KALRN: variants seen among roughly 807,000 people sequenced by gnomAD.
KALRN encodes the protein kalirin.
KALRN carries 70 observed loss-of-function variants against 353.7 expected under a neutral mutation model. The ratio of observed to expected loss-of-function variants is 0.20; its 90% CI spans 0.16 to 0.24. The LOEUF (loss-of-function observed/expected upper bound fraction) is 0.24, where lower values mean the gene tolerates loss of function less well. Ranked by LOEUF, KALRN falls within the 10% of genes least tolerant of loss-of-function variation. The pLI is 1.00. For missense variants in KALRN, 2,791 were observed against 3,756.7 expected (o/e 0.74, Z 6.72); for synonymous variants, 1,391 against 1,434.8 (o/e 0.97, Z 0.69).
chr3:124,690,556 C>T lies in KALRN; in HGVS notation c.7378-3248C>T, dbSNP rs2061760080. On this transcript the variant is annotated intron_variant, in intron 51 of 59. Coordinates refer to ENST00000682506, the MANE Select transcript of KALRN (RefSeq NM_001388419.1). ...GCAGGTAGGCCTTTGATGTCAATGACAAAGTTTCACAATGCTTTTCCTAAG... is the reference window on the plus strand; with the variant it reads ...GCAGGTAGGCCTTTGATGTCAATGATAAAGTTTCACAATGCTTTTCCTAAG... Among the ~76,000 whole-genome samples, 3 of 152,162 alleles carry T rather than the reference C, an allele frequency of 2.0e-5. No homozygotes were observed. In the South Asian group the frequency reaches 6.2e-4, roughly 32 times the overall value.
chr3:124,149,888 G>A (rs1430174068), intron 1 of KALRN, among the ~76,000 whole-genome samples: 5 of 152,204 alleles, frequency 3.3e-5, no homozygotes, highest in Non-Finnish European at 5.9e-5. Flanking sequence ...GCCGGGTTCC[G>A]TTTTGCTAGA....
chr3:124,234,151 T>C (rs2079487871), intron 2 of KALRN, among the ~76,000 whole-genome samples: 1 of 152,242 alleles, frequency 6.6e-6, no homozygotes. Flanking sequence ...AATCTCAGTA[T>C]GTATGTATGC....
chr3:124,700,102 C>G (rs1300416393), intron 56 of KALRN, 69 bp downstream of exon 56: 4 of 1,496,500 alleles, frequency 2.7e-6, no homozygotes, highest in East Asian at 2.3e-5. Context: ...GTCACAGACT[C>G]CTGGGCACGT....
chr3:124,644,987 T>C (rs1381118886), intron 37 of KALRN, among the ~76,000 whole-genome samples: 1 of 152,244 alleles, frequency 6.6e-6, no homozygotes, highest in Non-Finnish European at 1.5e-5. Context: ...CTCCAGGATC[T>C]GTTGTTTCCT....
At chr3:124,341,444 G>T (rs1435981288) in intron 9 of KALRN, among the ~76,000 whole-genome samples, 1 of 152,228 alleles carries the variant, frequency 6.6e-6, no homozygotes, top group African/African-American at 2.4e-5. Flanking sequence ...ATGCAGGCAA[G>T]GATGCTGTGT....
At chr3:124,389,455 A>C (rs2088979475) in intron 11 of KALRN, among the ~76,000 whole-genome samples, 1 of 152,180 alleles carries the variant, frequency 6.6e-6, no homozygotes, top group Non-Finnish European at 1.5e-5. Flanking sequence ...TCTTCTACAA[A>C]TTCAAGTCTG....
chr3:124,719,278 T>C lies in KALRN; in HGVS notation c.8769T>C (p.Phe2923=). ...DFINVILQED[F]RRRPTAATCL... is the part of the protein sequence containing the mutation. Reference sequence around the variant, plus strand: ...TCAATGTGATCTTACAGGAAGATTTTCGGAGGCGGCCCACAGCAGCCACAT... The same window carrying C: ...TCAATGTGATCTTACAGGAAGATTTCCGGAGGCGGCCCACAGCAGCCACAT... Residue 2923 remains phenylalanine (F), a synonymous_variant, in exon 60 of 60, where the codon TTT becomes TTC. Transcript: ENST00000682506. This position sits in a 1 kb window ranked among gnomAD's most constrained non-coding sequence, Gnocchi z 5.3. 2 of 1,614,204 alleles carry C rather than the reference T, an allele frequency of 1.2e-6. No individual in the cohort carries two copies. The highest frequency in any genetic ancestry group is 1.7e-6 in the Non-Finnish European group (2 of 1,180,042).
chr3:124,393,594 A>G (rs2089776439), intron 11 of KALRN, among the ~76,000 whole-genome samples: 1 of 152,008 alleles, frequency 6.6e-6, no homozygotes, highest in Admixed American at 6.6e-5. Flanking sequence ...AATAATTTGC[A>G]TTCCCTATAG....
chr3:124,127,868 C>A (rs1472634026), intron 1 of KALRN, among the ~76,000 whole-genome samples: 2 of 152,210 alleles, frequency 1.3e-5, no homozygotes, highest in Non-Finnish European at 2.9e-5. Context: ...ATTACTATCA[C>A]ACAGTCTTTT....
At chr3:124,672,892 A>G (rs1358895771) in intron 48 of KALRN, among the ~76,000 whole-genome samples, 1 of 152,142 alleles carries the variant, frequency 6.6e-6, no homozygotes, top group Non-Finnish European at 1.5e-5. Flanking sequence ...TTTTATCTAC[A>G]TGTTCCAGTT....
chr3:124,473,306 C>A (rs2061120171), intron 25 of KALRN, among the ~76,000 whole-genome samples: 1 of 152,244 alleles, frequency 6.6e-6, no homozygotes. Context: ...AATGCAGAAC[C>A]ACTTTATATC....
At chr3:124,620,737 G>A (rs1183646337) in intron 34 of KALRN, among the ~76,000 whole-genome samples, 2 of 152,216 alleles carry the variant, frequency 1.3e-5, no homozygotes, top group South Asian at 2.1e-4. Context: ...GCGGCCTTGT[G>A]TTTTCAGGAA....
chr3:124,678,353 C>G, intron 50 of KALRN, 40 bp downstream of exon 50: 1 of 1,605,922 alleles, frequency 6.2e-7, no homozygotes, highest in South Asian at 1.1e-5. Flanking sequence ...CACCTGTCAT[C>G]CACTCCCACC....
chr3:124,227,940 A>G (rs771854515), intron 1 of KALRN, 50 bp from the exon 2 acceptor site: 1 of 1,472,444 alleles, frequency 6.8e-7, no homozygotes, highest in East Asian at 2.3e-5. Flanking sequence ...CTTGCGATTC[A>G]GCCAGCTGGC....
At chr3:124,229,878 G>A (rs924315566) in intron 2 of KALRN, among the ~76,000 whole-genome samples, 4 of 152,226 alleles carry the variant, frequency 2.6e-5, no homozygotes, top group Non-Finnish European at 4.4e-5. Context: ...CCCATTAGGG[G>A]CTAGTATATC....
intron 25 of KALRN, among the ~76,000 whole-genome samples, chr3:124,469,472 C>A (rs565942138): frequency 6.6e-6 from 1 of 152,316 alleles, no homozygotes; most frequent in South Asian, 2.1e-4. Context: ...GTATGCTAAC[C>A]GGCTATCTTA....
At position 124,720,247 on chromosome 3, in the gene KALRN, G is replaced by A. The variant is rs920898855; in HGVS notation, c.*777G>A. 9 of 152,696 alleles carry A rather than the reference G, an allele frequency of 5.9e-5. No homozygotes were observed. Among genetic ancestry groups the A allele is most frequent in the East Asian group, 1.9e-4 (1 of 5,190 alleles). 9.5% of individuals were successfully genotyped at this position (152,696 alleles called of 1,614,324 possible). A position where few individuals can be genotyped will look rare whatever the true frequency, so the allele number is the denominator to read the frequency against. On this transcript the variant is annotated 3_prime_UTR_variant, in exon 60 of 60. Transcript: ENST00000682506. ...GATAGGTTCTTTCTGTATATGAAAC[G>A]CTCCCCGCAAATTCACTGGCAGCTC...
chr3:124,322,578 A>G (rs1051414916), intron 6 of KALRN, among the ~76,000 whole-genome samples: 33 of 152,220 alleles, frequency 2.2e-4, no homozygotes, highest in African/African-American at 8.0e-4. Flanking sequence ...CCTCTTGGCC[A>G]TGTCCCAAGG....
At chr3:124,372,676 G>A (rs1251527381) in intron 10 of KALRN, among the ~76,000 whole-genome samples, 1 of 151,892 alleles carries the variant, frequency 6.6e-6, no homozygotes, top group African/African-American at 2.4e-5. Flanking sequence ...TGTAGTGAGT[G>A]GGTAATACTC....
Sources: allele counts gnomAD v4.1 joint callset (sites outside exome capture counted in the v4.1 genomes callset), GRCh38; gene constraint gnomAD v4.1.1; non-coding constraint Gnocchi (gnomAD v3.1); transcripts MANE v1.5; gene names NCBI Gene and HGNC (gene_info 2026-07-23, HGNC 2026-07-21).